Variants in DNTT observed in about 807,000 individuals in gnomAD.
DNTT encodes DNA nucleotidylexotransferase, also known as nucleosidetriphosphate:DNA deoxynucleotidylexotransferase.
DNTT carries 47 observed loss-of-function variants against 60.9 expected under a neutral mutation model. The ratio of observed to expected loss-of-function variants is 0.77; its 90% CI spans 0.61 to 0.98. The LOEUF is 0.98. Among genes scored for constraint, DNTT ranks in the 50% least tolerant of loss-of-function variants. DNTT has a pLI of 0.00. For synonymous variants in DNTT, 224 were observed against 221.2 expected, an observed-to-expected ratio of 1.01 and a Z score of -0.11; for missense variants, 665 against 627.5, an observed-to-expected ratio of 1.06 and a Z score of -0.64.
chr10:96,313,913 C>T (rs550202008), intron 1 of DNTT, among the ~76,000 whole-genome samples: 1 of 152,246 alleles, frequency 6.6e-6, no homozygotes, highest in Admixed American at 6.5e-5. Context: ...CAGGGCTCCC[C>T]CTTGACACGT....
intron 3 of DNTT, 149 bp from the exon 4 acceptor site, chr10:96,320,469 T>C: frequency 1.2e-6 from 1 of 805,516 alleles, no homozygotes; most frequent in Non-Finnish European, 1.9e-6. Context: ...CAGAGAGGCA[T>C]ACAAGGGTAT....
At chr10:96,316,048 T>G (rs1844781727) in intron 1 of DNTT, among the ~76,000 whole-genome samples, 1 of 152,122 alleles carries the variant, frequency 6.6e-6, no homozygotes, top group Admixed American at 6.6e-5. Context: ...CAACCTCAGA[T>G]CCCAACTGTC....
chr10:96,329,914 G>T (rs1046042479), intron 8 of DNTT, among the ~76,000 whole-genome samples: 1 of 152,200 alleles, frequency 6.6e-6, no homozygotes, highest in African/African-American at 2.4e-5. Flanking sequence ...CTCTTCCTGA[G>T]AACTGGCCGC....
chr10:96,308,142 C>T (rs1012195803), intron 1 of DNTT, among the ~76,000 whole-genome samples: 10 of 152,288 alleles, frequency 6.6e-5, no homozygotes, highest in African/African-American at 2.4e-4. Flanking sequence ...CTTTGGCTGT[C>T]AGAAGGATTA....
At chr10:96,338,073 C>T in intron 10 of DNTT, 65 bp from the exon 11 acceptor site, 1 of 1,390,226 alleles carries the variant, frequency 7.2e-7, no homozygotes, top group Non-Finnish European at 1.0e-6. Flanking sequence ...AACACTTTCA[C>T]TGTGTCCACA....
rs186274684 is a variant in DNTT at position 96,315,110 on chromosome 10, C to T, written c.204-3242C>T. ...GGCCACATGCAGAGGATCAGCCGAA[C>T]TCAGGCAACACAAGACGATGGGAAA... On this transcript the variant is annotated intron_variant, in intron 1 of 10. Transcript: ENST00000371174. Among the ~76,000 whole-genome samples, 15 of 152,286 alleles carry T rather than the reference C, an allele frequency of 9.8e-5. No individual in the cohort carries two copies. In the East Asian group the frequency reaches 2.7e-3, roughly 27 times the overall value.
At chr10:96,320,934 C>G in intron 4 of DNTT, 146 bp downstream of exon 4, 5 of 562,194 alleles carry the variant, frequency 8.9e-6, no homozygotes, top group Non-Finnish European at 1.3e-5. Context: ...TCTCTCTCTC[C>G]TCTGTCTCTC....
intron 8 of DNTT, among the ~76,000 whole-genome samples, chr10:96,330,483 G>A (rs916261263): frequency 5.3e-5 from 8 of 152,128 alleles, no homozygotes; most frequent in Non-Finnish European, 1.2e-4. Context: ...AAGTGGAATT[G>A]TATTTTCCGG....
At chr10:96,310,089 A>G (rs1437121479) in intron 1 of DNTT, among the ~76,000 whole-genome samples, 2 of 152,186 alleles carry the variant, frequency 1.3e-5, no homozygotes, top group African/African-American at 4.8e-5. Flanking sequence ...GAAAGCTCCA[A>G]TTAACAAACC....
chr10:96,304,462 A>G lies in DNTT; in HGVS notation c.-36A>G. On this transcript the variant is annotated 5_prime_UTR_variant, in exon 1 of 11. Coordinates refer to ENST00000371174, the MANE Select transcript of DNTT (RefSeq NM_004088.4). ...CTCCCTCCCTTCTGGAGACACCACC[A>G]GATGGGCCAGCCAGAGGCAGCAGCA... 1.2e-6 allele frequency: 2 copies of G among 1,611,976 alleles called. No individual in the cohort carries two copies. Among genetic ancestry groups the G allele is most frequent in the Non-Finnish European group, 1.7e-6 (2 of 1,179,740 alleles).
chr10:96,332,570 G>C lies in DNTT; in HGVS notation c.1333G>C (p.Ala445Pro). ...GTGCCCCTACGAGCGTCGTGCCTTT[G>C]CCCTGTTGGGATGGACTGGCTCCCG... ...VLCPYERRAFALLGWTGSRQF... is the reference protein window; with the variant it reads ...VLCPYERRAFPLLGWTGSRQF... The change falls in exon 9 of 11, where the codon GCC (alanine) becomes CCC (proline). Residue 445 changes from alanine to proline, a missense_variant. Coordinates refer to ENST00000371174, the MANE Select transcript of DNTT (RefSeq NM_004088.4). 6.2e-7 allele frequency: 1 copy of C among 1,613,468 alleles called. No homozygotes were observed. The highest frequency in any genetic ancestry group is 8.5e-7 in the Non-Finnish European group (1 of 1,179,808).
At chr10:96,329,434 G>A (rs1844978978) in intron 8 of DNTT, among the ~76,000 whole-genome samples, 1 of 152,190 alleles carries the variant, frequency 6.6e-6, no homozygotes, top group South Asian at 2.1e-4. Context: ...TGCAAGCCCT[G>A]ACTCCTGTCC....
chr10:96,322,113 G>A (rs917744037), intron 4 of DNTT, among the ~76,000 whole-genome samples: 9 of 152,130 alleles, frequency 5.9e-5, no homozygotes, highest in Admixed American at 3.9e-4. Flanking sequence ...TTACTGAACG[G>A]TGTTTAGGGA....
At chr10:96,304,834 A>G (rs1197599288) in intron 1 of DNTT, 134 bp downstream of exon 1, 1 of 996,344 alleles carries the variant, frequency 1.0e-6, no homozygotes, top group East Asian at 2.6e-5. Context: ...CAGATTTGAA[A>G]TCAAAGAACA....
intron 6 of DNTT, among the ~76,000 whole-genome samples, chr10:96,326,785 T>A (rs2133992034): frequency 6.6e-6 from 1 of 152,292 alleles, no homozygotes; most frequent in South Asian, 2.1e-4. Context: ...AAGCATGATT[T>A]GATGTCCCTC....
chr10:96,317,732 TCACTGGACAC>T (rs1844803982), intron 1 of DNTT, among the ~76,000 whole-genome samples: 1 of 152,212 alleles, frequency 6.6e-6, no homozygotes, highest in Non-Finnish European at 1.5e-5. Flanking sequence ...GAATGGGCCT[TCACTGGACAC>T]CATATCTGCC....
Position 96,320,736 on chromosome 10 carries a change from A to G in DNTT, c.626A>G (p.Lys209Arg). 2 of 1,613,900 alleles carry G rather than the reference A, an allele frequency of 1.2e-6. No homozygotes were observed. The highest frequency in any genetic ancestry group is 1.7e-5 in the Admixed American group (1 of 60,022). The change falls in exon 4 of 11, where the codon AAG (lysine) becomes AGG (arginine). Residue 209 changes from lysine to arginine, a missense_variant. Physicochemically the swap from Lys to Arg is conservative, Grantham distance 26. Transcript: ENST00000371174. ...KSLPFTIISM[K>R]DTEGIPCLGS... ...CTGCCATTCACAATCATCAGTATGA[A>G]GGACACAGAAGGAATTCCCTGCCTG...
chr10:96,332,478 T>C lies in DNTT; in HGVS notation c.1241T>C (p.Val414Ala), dbSNP rs1281290631. The C allele has an allele frequency of 6.2e-7, 1 of 1,614,080 alleles. No individual in the cohort carries two copies. Among genetic ancestry groups the C allele is most frequent in the South Asian group, 1.1e-5 (1 of 91,074 alleles). ...ATTTTCAAATTGCCTCGTCAAAGAG[T>C]GGACAGTGACCAGTCCAGCTGGCAG... ...FLIFKLPRQR[V>A]DSDQSSWQEG... The change falls in exon 9 of 11, where the codon GTG becomes GCG. Residue 414 changes from valine to alanine, a missense_variant. Val to Ala is a moderately conservative substitution (Grantham distance 64). Transcript: ENST00000371174.
At position 96,319,324 on chromosome 10, in the gene DNTT, A is replaced by T; in HGVS notation, c.441A>T (p.Val147=). Residue 147 remains valine (V), a synonymous_variant, in exon 3 of 11, where the codon GTA becomes GTT. Transcript: ENST00000371174. ...CCCCGAAGACTCCACCAATTGCTGT[A>T]CAAAAGATCTCCCAGTATGCGTGTC... ...PGPPKTPPIA[V]QKISQYACQR... is the part of the protein sequence containing the mutation. 6.2e-7 allele frequency: 1 copy of T among 1,613,954 alleles called. No individual in the cohort carries two copies. Among genetic ancestry groups the T allele is most frequent in the Non-Finnish European group, 8.5e-7 (1 of 1,179,830 alleles).
Sources: allele counts gnomAD v4.1 joint callset (sites outside exome capture counted in the v4.1 genomes callset), GRCh38; gene constraint gnomAD v4.1.1; transcripts MANE v1.5; gene names NCBI Gene and HGNC (gene_info 2026-07-23, HGNC 2026-07-21).